The following PVT1 variants were observed in gnomAD, a reference collection of about 807,000 sequenced individuals.
The protein encoded by PVT1 is Pvt1 oncogene, also known as CXCR4/PVT1 fusion.
intron 2 of PVT1, among the ~76,000 whole-genome samples, chr8:127,859,823 G>GTAGT (rs1815200030): frequency 6.6e-6 from 1 of 151,964 alleles, no homozygotes; most frequent in African/African-American, 2.4e-5. Context: ...TAGGTCGAAG[G>GTAGT]TAGTTGCAGG....
At chr8:128,071,770 C>G (rs970673065) in intron 5 of PVT1, among the ~76,000 whole-genome samples, 1 of 151,934 alleles carries the variant, frequency 6.6e-6, no homozygotes, top group African/African-American at 2.4e-5. Flanking sequence ...GAGCACTTAT[C>G]TTTGCCAGGT....
Position 127,817,546 on chromosome 8 carries a change from T to TACAC in PVT1, n.372+21487_372+21490dup, listed in dbSNP as rs1554588971. Among the ~76,000 whole-genome samples the TACAC allele has an allele frequency of 5.8e-3, 523 of 89,938 alleles. 11 individuals carry two copies. Among genetic ancestry groups the TACAC allele is most frequent in the African/African-American group, 0.019 (479 of 25,684 alleles). 59.0% of individuals were successfully genotyped at this position (89,938 alleles called of 152,430 possible). ...CTATTTAAATATATATATATATATA[T>TACAC]ACACACACACACACATATATATATA... On this transcript the variant is annotated intron_variant and non_coding_transcript_variant, in intron 2 of 10. Coordinates refer to ENST00000651587, the Ensembl canonical transcript of PVT1.
intron 3 of PVT1, among the ~76,000 whole-genome samples, chr8:127,919,727 C>A (rs2129863096): frequency 6.6e-6 from 1 of 152,308 alleles, no homozygotes; most frequent in Middle Eastern, 3.4e-3. Flanking sequence ...TCACTGTGGC[C>A]CACCATCCAG....
intron 3 of PVT1, among the ~76,000 whole-genome samples, chr8:127,974,035 C>G (rs1168217559): frequency 1.3e-5 from 2 of 151,858 alleles, no homozygotes; most frequent in Non-Finnish European, 2.9e-5. Flanking sequence ...TTCTTGGCCT[C>G]TCAGCAGGGC....
At chr8:127,910,536 AT>A (rs1815881671) in intron 3 of PVT1, among the ~76,000 whole-genome samples, 1 of 152,182 alleles carries the variant, frequency 6.6e-6, no homozygotes, top group Non-Finnish European at 1.5e-5. Context: ...TCTCTGTGTG[AT>A]TGATAACTCA....
intron 2 of PVT1, among the ~76,000 whole-genome samples, chr8:127,837,397 T>G (rs1039856703): frequency 6.8e-6 from 1 of 146,848 alleles, no homozygotes; most frequent in African/African-American, 2.6e-5. Context: ...TTGTTGTTGT[T>G]TTTTTTTTTT....
intron 4 of PVT1, among the ~76,000 whole-genome samples, chr8:128,036,542 C>T (rs980103458): frequency 1.3e-5 from 2 of 152,144 alleles, no homozygotes; most frequent in Non-Finnish European, 2.9e-5. Context: ...GCCCGAGACC[C>T]AGCGCTTCTG....
chr8:127,917,404 G>A (rs564065943), intron 3 of PVT1, among the ~76,000 whole-genome samples: 2 of 152,178 alleles, frequency 1.3e-5, no homozygotes, highest in South Asian at 4.1e-4. Context: ...AGGCTGCTCT[G>A]GTAGCAATAA....
At position 127,898,260 on chromosome 8, in the gene PVT1, A is replaced by C. The variant is rs1452822258; in HGVS notation, n.782+7262A>C. The stretch of plus-strand genomic sequence containing the variant: ...AAGAAAGAAACGAAGGAAGGAAGAA[A>C]GAAAGAGTGTAAAGAAATAAAAGGC... On this transcript the variant is annotated intron_variant and non_coding_transcript_variant, in intron 3 of 10. Coordinates refer to ENST00000651587, the Ensembl canonical transcript of PVT1. The surrounding 1 kb of genome is among the most constrained non-coding windows in gnomAD (Gnocchi z 4.4). Among the ~76,000 whole-genome samples, 1 of 152,236 alleles carries C rather than the reference A, an allele frequency of 6.6e-6. No homozygotes were observed. The highest frequency in any genetic ancestry group is 1.5e-5 in the Non-Finnish European group (1 of 68,046).
intron 5 of PVT1, among the ~76,000 whole-genome samples, chr8:128,078,280 G>A (rs1005751588): frequency 6.6e-6 from 1 of 152,220 alleles, no homozygotes; most frequent in African/African-American, 2.4e-5. Flanking sequence ...GGGTAGGCGA[G>A]TGAGTGAGTA....
At chr8:128,038,080 T>C (rs1043433629) in intron 4 of PVT1, among the ~76,000 whole-genome samples, 55 of 152,208 alleles carry the variant, frequency 3.6e-4, no homozygotes, top group African/African-American at 1.3e-3. Flanking sequence ...CAAAGAAGCT[T>C]GATATTTTAG....
chr8:127,873,666 T>C (rs1815375884), intron 2 of PVT1, among the ~76,000 whole-genome samples: 1 of 152,186 alleles, frequency 6.6e-6, no homozygotes. Flanking sequence ...AATACCCCTC[T>C]TGGTGTACAC....
chr8:128,086,748 C>T (rs151120433), intron 5 of PVT1, among the ~76,000 whole-genome samples: 85 of 152,340 alleles, frequency 5.6e-4, no homozygotes, highest in African/African-American at 1.8e-3. Flanking sequence ...CAAGACCCAG[C>T]TCAAATGGAA....
chr8:128,078,596 C>T (rs1432709747), intron 5 of PVT1, among the ~76,000 whole-genome samples: 1 of 152,194 alleles, frequency 6.6e-6, no homozygotes, highest in Non-Finnish European at 1.5e-5. Flanking sequence ...TCTAGCTTTA[C>T]TGCCAGTTTT....
intron 3 of PVT1, among the ~76,000 whole-genome samples, chr8:127,985,882 A>G (rs1160727441): frequency 6.6e-6 from 1 of 152,056 alleles, no homozygotes; most frequent in Non-Finnish European, 1.5e-5. Flanking sequence ...AAGCTTGTTC[A>G]CTGTCTCCTG....
chr8:127,960,125 A>T (rs1816621851), intron 3 of PVT1, among the ~76,000 whole-genome samples: 1 of 152,190 alleles, frequency 6.6e-6, no homozygotes, highest in South Asian at 2.1e-4. Context: ...GCTAGAAGGG[A>T]TCGGCTTAGG....
intron 2 of PVT1, among the ~76,000 whole-genome samples, chr8:127,885,271 G>A (rs1235127243): frequency 2.0e-5 from 3 of 152,102 alleles, no homozygotes; most frequent in Non-Finnish European, 2.9e-5. Context: ...TGATAGATCC[G>A]TCAAGCTCTT....
chr8:127,938,311 G>A (rs13263872), intron 3 of PVT1, among the ~76,000 whole-genome samples: 44,484 of 151,996 alleles, frequency 0.29, 7,118 homozygotes, highest in East Asian at 0.51. Context: ...TCAGGCCTCC[G>A]AGGAAGCCCC....
chr8:128,056,468 G>T (rs879780551), intron 4 of PVT1, among the ~76,000 whole-genome samples: 5 of 152,022 alleles, frequency 3.3e-5, no homozygotes, highest in Admixed American at 2.6e-4. Context: ...TGCATAGCTC[G>T]CACAGATGTT....
Sources: gnomAD v4.1 joint callset for allele counts (sites outside exome capture counted in the v4.1 genomes callset) on GRCh38, gnomAD v4.1.1 for gene constraint, Gnocchi (gnomAD v3.1) non-coding constraint, MANE v1.5 for transcripts, NCBI Gene and HGNC (gene_info 2026-07-23, HGNC 2026-07-21) for gene names.